The following SUCLG2 variants were observed in gnomAD, a reference collection of about 807,000 sequenced individuals.
SUCLG2 encodes the protein succinate-CoA ligase GDP-forming subunit beta.
In SUCLG2, 42 loss-of-function variants were observed where a neutral mutation model predicts 47.9. That is an observed-to-expected ratio of 0.88 (90% CI 0.69 to 1.14). The LOEUF (loss-of-function observed/expected upper bound fraction) is 1.14. SUCLG2 is among the 50% of genes most tolerant of loss of function. The pLI is 0.00. For missense variants in SUCLG2, 571 were observed against 525.9 expected, an observed-to-expected ratio of 1.09 and a Z score of -0.84; for synonymous variants, 195 against 197.3, an observed-to-expected ratio of 0.99 and a Z score of 0.10.
intron 1 of SUCLG2, among the ~76,000 whole-genome samples, chr3:67,625,112 T>C (rs938515499): frequency 1.3e-5 from 2 of 152,226 alleles, no homozygotes; most frequent in African/African-American, 2.4e-5. Flanking sequence ...CTAGATGATA[T>C]TGCTACAAGC....
chr3:67,460,984 C>T (rs1704317826), intron 9 of SUCLG2, among the ~76,000 whole-genome samples: 2 of 152,048 alleles, frequency 1.3e-5, no homozygotes, highest in South Asian at 2.1e-4. Context: ...AACGTCTCTG[C>T]ACTACAGAGC....
chr3:67,623,664 A>G (rs1700774667), intron 1 of SUCLG2, among the ~76,000 whole-genome samples: 1 of 152,202 alleles, frequency 6.6e-6, no homozygotes, highest in Non-Finnish European at 1.5e-5. Context: ...ATCCTTTACA[A>G]TACTCAGAGA....
At chr3:67,485,620 G>C (rs748298631) in intron 9 of SUCLG2, among the ~76,000 whole-genome samples, 2 of 152,078 alleles carry the variant, frequency 1.3e-5, no homozygotes, top group Admixed American at 6.5e-5. Flanking sequence ...TGATAATAGT[G>C]GTTGTATTAC....
At chr3:67,421,586 T>G (rs1703158733) in intron 9 of SUCLG2, among the ~76,000 whole-genome samples, 1 of 152,210 alleles carries the variant, frequency 6.6e-6, no homozygotes, top group Non-Finnish European at 1.5e-5. Context: ...GTAATAGAAG[T>G]CAATCACAGT....
In SUCLG2 at chr3:67,529,175, T is replaced by C. The variant is rs1706335478; in HGVS notation, c.238A>G (p.Ile80Val). ...GCTAAGATCTGGGCTTTTAAAACAA[T>C]TTCTTTTGCATCTGAAAAAGAAAAA... ...EAAKRLNAKEIVLKAQILAGG... is the reference protein window; with the variant it reads ...EAAKRLNAKEVVLKAQILAGG... Residue 80 changes from isoleucine (I) to valine (V), a missense_variant, in exon 3 of 11, where the codon ATT becomes GTT. Ile to Val is a conservative substitution (Grantham distance 29, BLOSUM62 3). Transcript: ENST00000307227. 6.2e-7 allele frequency: 1 copy of C among 1,609,158 alleles called. No individual in the cohort carries two copies. The highest frequency in any genetic ancestry group is 2.2e-5 in the East Asian group (1 of 44,796).
chr3:67,652,377 T>A (rs932398971), intron 1 of SUCLG2, among the ~76,000 whole-genome samples: 1 of 152,126 alleles, frequency 6.6e-6, no homozygotes, highest in East Asian at 1.9e-4. Context: ...GGGCCAAGAG[T>A]GGCAACAGAT....
intron 9 of SUCLG2, among the ~76,000 whole-genome samples, chr3:67,491,422 T>C (rs1355594520): frequency 6.9e-6 from 1 of 145,202 alleles, no homozygotes; most frequent in Non-Finnish European, 1.5e-5. Flanking sequence ...TGGAGTGCAA[T>C]GGCACAATCT....
intron 9 of SUCLG2, among the ~76,000 whole-genome samples, chr3:67,476,252 C>G (rs57948813): frequency 0.07 from 10,675 of 151,910 alleles, 435 homozygotes; most frequent in East Asian, 0.2. Flanking sequence ...GGCAAGCAAA[C>G]GAAGCTTCAT....
chr3:67,388,642 T>C (rs1048990796), intron 10 of SUCLG2, among the ~76,000 whole-genome samples: 1 of 152,220 alleles, frequency 6.6e-6, no homozygotes, highest in Non-Finnish European at 1.5e-5. Context: ...GGGAACTAAA[T>C]GCAAATCAAG....
intron 10 of SUCLG2, among the ~76,000 whole-genome samples, chr3:67,399,190 A>G (rs1180314473): frequency 6.6e-6 from 1 of 152,160 alleles, no homozygotes; most frequent in Admixed American, 6.5e-5. Flanking sequence ...AATAAAAAAA[A>G]AGAAAAAAAA....
chr3:67,532,669 C>T (rs979434728), intron 2 of SUCLG2, among the ~76,000 whole-genome samples: 1 of 151,674 alleles, frequency 6.6e-6, no homozygotes, highest in African/African-American at 2.4e-5. Context: ...TTAGAATTTA[C>T]ATATATTTTA....
At chr3:67,407,117 T>G (rs1298144560) in intron 9 of SUCLG2, among the ~76,000 whole-genome samples, 2 of 152,112 alleles carry the variant, frequency 1.3e-5, no homozygotes, top group Non-Finnish European at 2.9e-5. Context: ...ATGAAAGCAA[T>G]CATAGACAAA....
intron 9 of SUCLG2, among the ~76,000 whole-genome samples, chr3:67,430,796 A>T (rs1703457798): frequency 6.6e-6 from 1 of 152,200 alleles, no homozygotes; most frequent in Non-Finnish European, 1.5e-5. Context: ...CAGAAATAAA[A>T]ACTACCATCA....
chr3:67,603,866 C>T (rs1708473581), intron 2 of SUCLG2, among the ~76,000 whole-genome samples: 1 of 152,132 alleles, frequency 6.6e-6, no homozygotes, highest in South Asian at 2.1e-4. Flanking sequence ...GTCATTCACA[C>T]AGTAGGTATT....
At chr3:67,494,131 T>C (rs1403032730) in intron 9 of SUCLG2, among the ~76,000 whole-genome samples, 3 of 152,192 alleles carry the variant, frequency 2.0e-5, no homozygotes, top group Admixed American at 1.3e-4. Context: ...CAAAATTTTA[T>C]GCATGCAAAA....
chr3:67,486,063 G>C (rs988128403), intron 9 of SUCLG2, among the ~76,000 whole-genome samples: 1 of 152,128 alleles, frequency 6.6e-6, no homozygotes, highest in Non-Finnish European at 1.5e-5. Context: ...TTGAGCCCAG[G>C]AGTTTGAGAC....
At chr3:67,434,600 G>C (rs547158411) in intron 9 of SUCLG2, among the ~76,000 whole-genome samples, 1 of 152,182 alleles carries the variant, frequency 6.6e-6, no homozygotes, top group Non-Finnish European at 1.5e-5. Flanking sequence ...AACAAAAAAA[G>C]GTGTTAAAAT....
intron 9 of SUCLG2, among the ~76,000 whole-genome samples, chr3:67,455,062 GAC>G (rs1026348038): frequency 2.6e-5 from 4 of 151,640 alleles, no homozygotes; most frequent in Non-Finnish European, 5.9e-5. Flanking sequence ...ATGTTTTATA[GAC>G]ACACATACCC....
At chr3:67,566,169 G>C (rs1005309854) in intron 2 of SUCLG2, among the ~76,000 whole-genome samples, 3 of 152,260 alleles carry the variant, frequency 2.0e-5, no homozygotes, top group Middle Eastern at 6.8e-3. Flanking sequence ...TGATCTTACT[G>C]ATTTTCCGAA....
Sources: gnomAD v4.1 joint callset for allele counts (sites outside exome capture counted in the v4.1 genomes callset) on GRCh38, gnomAD v4.1.1 for gene constraint, MANE v1.5 for transcripts, NCBI Gene and HGNC (gene_info 2026-07-23, HGNC 2026-07-21) for gene names.